The following OTOGL variants were observed in gnomAD, a reference collection of about 807,000 sequenced individuals.
OTOGL encodes the protein otogelin-like protein.
Under a neutral mutation model 318.5 loss-of-function variants are expected in OTOGL, and 285 were observed. The ratio of observed to expected loss-of-function variants is 0.89; its 90% CI spans 0.81 to 0.99. The LOEUF (loss-of-function observed/expected upper bound fraction) is 0.99, where lower values mean the gene tolerates loss of function less well. OTOGL is among the 50% of genes least tolerant of loss of function. The pLI is 0.00. For synonymous variants in OTOGL, 987 were observed against 936.5 expected, an observed-to-expected ratio of 1.05 and a Z score of -0.99; for missense variants, 2,899 against 2,845.6, an observed-to-expected ratio of 1.02 and a Z score of -0.43.
rs753725436 is a variant in OTOGL, at chr12:80,329,075, C to G, written c.4304C>G (p.Pro1435Arg). 1 of 1,566,452 alleles carries G rather than the reference C, an allele frequency of 6.4e-7. No homozygotes were observed. Among genetic ancestry groups the G allele is most frequent in the Non-Finnish European group, 8.6e-7 (1 of 1,164,868 alleles). The change falls in exon 37 of 59, where the codon CCA (proline) becomes CGA (arginine). Residue 1435 changes from proline (P) to arginine (R), a missense_variant. By Grantham distance (103) the Pro-to-Arg change is moderately radical. Transcript: ENST00000547103. ...GGTATACCTGTGATTCCCACAGAAC[C>G]AACATTAATGCCACCAGCTAAGCCA... ...RDCIPVIPTE[P>R]TLMPPAKPTV...
chr12:80,217,481 A>G (rs1877851426), intron 4 of OTOGL, 117 bp from the exon 5 acceptor site: 2 of 735,112 alleles, frequency 2.7e-6, no homozygotes, highest in Non-Finnish European at 2.2e-6. Flanking sequence ...CAGAAAATAT[A>G]AAGTCAGCAC....
chr12:80,251,698 A>T lies in OTOGL; in HGVS notation c.1058A>T (p.Asp353Val), dbSNP rs1159077805. ...ASCVNDLCKT[D>V]DDETYCRAAT... ...TCTGTCTTTTCACTTTCTAGAACTG[A>T]TGATGATGAAACCTATTGCCGAGCA... The change falls in exon 12 of 59, where the codon GAT becomes GTT. Residue 353 changes from aspartate to valine, a missense_variant. Transcript: ENST00000547103. The T allele has an allele frequency of 1.3e-6, 2 of 1,583,468 alleles. No individual in the cohort carries two copies. Among genetic ancestry groups the T allele is most frequent in the Non-Finnish European group, 8.6e-7 (1 of 1,163,092 alleles).
intron 35 of OTOGL, among the ~76,000 whole-genome samples, chr12:80,324,830 G>T (rs995895167): frequency 4.6e-5 from 7 of 152,106 alleles, no homozygotes; most frequent in Non-Finnish European, 8.8e-5. Context: ...TAGCCAAATT[G>T]GTCAAATAGC....
intron 29 of OTOGL, among the ~76,000 whole-genome samples, chr12:80,308,751 G>A (rs963714422): frequency 3.9e-5 from 6 of 152,232 alleles, no homozygotes; most frequent in African/African-American, 7.2e-5. Context: ...GATCACTCGC[G>A]GTTAGGAGCT....
chr12:80,170,175 A>AGG (rs1420160495), intron 1 of OTOGL, among the ~76,000 whole-genome samples: 9 of 134,254 alleles, frequency 6.7e-5, no homozygotes, highest in Non-Finnish European at 9.5e-5. Flanking sequence ...TCACTTTGTC[A>AGG]GGGGTGTGTG....
At chr12:80,201,627 T>G (rs1382771302) in intron 1 of OTOGL, among the ~76,000 whole-genome samples, 1 of 152,100 alleles carries the variant, frequency 6.6e-6, no homozygotes, top group Non-Finnish European at 1.5e-5. Flanking sequence ...TCCACATGTT[T>G]CCTCATTCTC....
At position 80,288,217 on chromosome 12, in the gene OTOGL, A is replaced by G. The variant is rs187949408; in HGVS notation, c.2929-8610A>G. 4.1e-3 allele frequency among the ~76,000 whole-genome samples: 619 copies of G among 152,272 alleles called. 6 individuals carry two copies. Among genetic ancestry groups the G allele is most frequent in the Non-Finnish European group, 6.0e-3 (405 of 68,028 alleles). ...AAATTCTTTTCTTTAAGAATGTTGA[A>G]TATTGGCCCCCACTGTCTTCTGGCT... On this transcript the variant is annotated intron_variant, in intron 26 of 58. Transcript: ENST00000547103.
intron 27 of OTOGL, among the ~76,000 whole-genome samples, chr12:80,299,904 T>C (rs1490235044): frequency 6.6e-6 from 1 of 152,174 alleles, no homozygotes. Flanking sequence ...CCTTTGACCA[T>C]AGAGGATTTT....
chr12:80,312,656 G>A (rs1003328897), intron 30 of OTOGL, among the ~76,000 whole-genome samples: 1 of 152,052 alleles, frequency 6.6e-6, no homozygotes, highest in Non-Finnish European at 1.5e-5. Context: ...AGTTTCCAAG[G>A]ACCACACCTG....
At chr12:80,351,619 G>C (rs952568085) in intron 44 of OTOGL, among the ~76,000 whole-genome samples, 4 of 152,006 alleles carry the variant, frequency 2.6e-5, no homozygotes, top group Non-Finnish European at 5.9e-5. Context: ...AAAATAGATG[G>C]ACTATGAAAA....
intron 9 of OTOGL, 148 bp downstream of exon 9, chr12:80,233,245 A>G (rs1879541585): frequency 1.4e-6 from 1 of 703,096 alleles, no homozygotes; most frequent in Admixed American, 3.1e-5. Flanking sequence ...TAAAGGTTGA[A>G]TAGGAAAATA....
intron 9 of OTOGL, among the ~76,000 whole-genome samples, chr12:80,237,537 T>C (rs1879976546): frequency 6.6e-6 from 1 of 151,948 alleles, no homozygotes; most frequent in African/African-American, 2.4e-5. Flanking sequence ...AGAGCAAGTG[T>C]TCTGAGGTGG....
Position 80,265,028 on chromosome 12 carries a change from T to C in OTOGL, c.2042T>C (p.Ile681Thr). ...GGGTATGCAGCACACTGTGATGTCA[T>C]CCACCAGGAGCTCTTTGCTCCTTGC... ...NIGYAAHCDVIHQELFAPCHI... is the reference protein window; with the variant it reads ...NIGYAAHCDVTHQELFAPCHI... Residue 681 changes from isoleucine (I) to threonine (T), a missense_variant, in exon 20 of 59, where the codon ATC becomes ACC. By Grantham distance (89) the Ile-to-Thr change is moderately conservative. Coordinates refer to ENST00000547103, the MANE Select transcript of OTOGL (RefSeq NM_001378609.3). The C allele has an allele frequency of 2.5e-6, 4 of 1,613,930 alleles. No homozygotes were observed. Among genetic ancestry groups the C allele is most frequent in the Non-Finnish European group, 3.4e-6 (4 of 1,179,848 alleles).
chr12:80,272,741 G>A (rs868472543), intron 24 of OTOGL, among the ~76,000 whole-genome samples: 1 of 152,020 alleles, frequency 6.6e-6, no homozygotes, highest in Non-Finnish European at 1.5e-5. Context: ...TGTCTAAATG[G>A]CCCCCATCTG....
intron 29 of OTOGL, among the ~76,000 whole-genome samples, chr12:80,309,651 A>C (rs1422999428): frequency 6.6e-6 from 1 of 152,190 alleles, no homozygotes; most frequent in Non-Finnish European, 1.5e-5. Flanking sequence ...ATGAATTTGG[A>C]GGTTCCAAGA....
At chr12:80,244,109 C>A (rs535425241) in intron 11 of OTOGL, among the ~76,000 whole-genome samples, 5 of 151,198 alleles carry the variant, frequency 3.3e-5, no homozygotes, top group African/African-American at 9.7e-5. Context: ...CTAGTCTGTG[C>A]CACTAATGAT....
At position 80,302,758 on chromosome 12, in the gene OTOGL, A is replaced by G. The variant is rs1350750950; in HGVS notation, c.3188A>G (p.His1063Arg). The change falls in exon 28 of 59, where the codon CAT becomes CGT. Residue 1063 changes from histidine (H) to arginine (R), a missense_variant. This residue lies in a region of OTOGL where 2,607 missense variants were observed against 2,524.9 expected (regional missense o/e 1.03). Transcript: ENST00000547103. ...TILWDRKTTI[H>R]IKVGPQWKNK... ...CTTTGGGATAGGAAGACAACTATTCATATCAAAGTTGGGCCACAGTGGAAG... is the reference window on the plus strand; with the variant it reads ...CTTTGGGATAGGAAGACAACTATTCGTATCAAAGTTGGGCCACAGTGGAAG... 1 of 1,522,860 alleles carries G rather than the reference A, an allele frequency of 6.6e-7. No homozygotes were observed. Among genetic ancestry groups the G allele is most frequent in the African/African-American group, 1.4e-5 (1 of 72,692 alleles). The allele number at this position is 1,522,860 out of a possible 1,614,324, so 94.3% of individuals were successfully genotyped here.
Position 80,254,587 on chromosome 12 carries a change from T to G in OTOGL, c.1441+17T>G. 6.3e-7 allele frequency: 1 copy of G among 1,592,908 alleles called. No homozygotes were observed. Among genetic ancestry groups the G allele is most frequent in the South Asian group, 1.1e-5 (1 of 89,134 alleles). ...ACTGTCCAGGTAATTTTTTAAAATG[T>G]TTTTATAGAGAATGTTTCAAATTTC... On this transcript the variant is annotated intron_variant, in intron 15 of 58. Transcript: ENST00000547103.
rs181681125 is a variant in OTOGL, at chr12:80,361,606, T to C, written c.6267+2706T>C. ...CTAATTTACATTCCCACCAACAGCATGCAGGGTTTCTTTTTCTGCATCTTC... is the reference window on the plus strand; with the variant it reads ...CTAATTTACATTCCCACCAACAGCACGCAGGGTTTCTTTTTCTGCATCTTC... On this transcript the variant is annotated intron_variant, in intron 52 of 58. Coordinates refer to ENST00000547103, the MANE Select transcript of OTOGL (RefSeq NM_001378609.3). Among the ~76,000 whole-genome samples the C allele has an allele frequency of 4.7e-3, 712 of 151,472 alleles. 5 individuals carry two copies. Among genetic ancestry groups the C allele is most frequent in the African/African-American group, 0.017 (685 of 41,294 alleles).
Sources: allele counts gnomAD v4.1 joint callset (sites outside exome capture counted in the v4.1 genomes callset), GRCh38; gene constraint gnomAD v4.1.1; regional missense constraint gnomAD v4.1.1; transcripts MANE v1.5; gene names NCBI Gene and HGNC (gene_info 2026-07-23, HGNC 2026-07-21).